Variants in ABHD12 observed in about 807,000 individuals in gnomAD.
ABHD12 encodes the protein abhydrolase domain containing 12, lysophospholipase, also known as lysophosphatidylserine lipase ABHD12.
In ABHD12, 43 loss-of-function variants were observed where a neutral mutation model predicts 58.3. The observed-to-expected ratio is 0.74, with a 90% CI of 0.58 to 0.95. ABHD12 has a LOEUF of 0.95. Among genes scored for constraint, ABHD12 ranks in the 40% least tolerant of loss-of-function variants. ABHD12 has a pLI of 0.00. For missense variants in ABHD12, 539 were observed against 537.2 expected (o/e 1.00, Z -0.03); for synonymous variants, 219 against 211.2 (o/e 1.04, Z -0.32).
chr20:25,390,544 C>G lies in ABHD12; in HGVS notation c.160G>C (p.Ala54Pro). 5.5e-6 allele frequency: 8 copies of G among 1,450,042 alleles called. No homozygotes were observed. Among genetic ancestry groups the G allele is most frequent in the Non-Finnish European group, 7.2e-6 (8 of 1,105,548 alleles). The allele number at this position is 1,450,042 out of a possible 1,614,324, so 89.8% of individuals were successfully genotyped here. A position where few individuals can be genotyped will look rare whatever the true frequency, so the allele number is the denominator to read the frequency against. The change falls in exon 1 of 13, where the codon GCC (alanine) becomes CCC (proline). Residue 54 changes from alanine (A) to proline (P), a missense_variant. Ala to Pro is a conservative substitution (Grantham distance 27, BLOSUM62 -1). Transcript: ENST00000339157. ...AGCGCCCGCTTCATTCCCGCGTCGG[C>G]TGCGCAGCGCGGCTCAGCCGCCGCC... ...GPAAAEPRCA[A>P]DAGMKRALGR... is the part of the protein sequence containing the mutation.
At chr20:25,354,938 T>C (rs115992085) in intron 1 of ABHD12, among the ~76,000 whole-genome samples, 1,904 of 152,300 alleles carry the variant, frequency 0.013, 44 homozygotes, top group African/African-American at 0.041. Context: ...CTTTCTTCTC[T>C]TTCTGTACTT....
At chr20:25,303,519 A>G in intron 11 of ABHD12, 31 bp downstream of exon 11, 1 of 1,611,306 alleles carries the variant, frequency 6.2e-7, no homozygotes, top group Non-Finnish European at 8.5e-7. Flanking sequence ...GCAAGATGCC[A>G]GCTACACCAG....
chr20:25,314,852 T>G, intron 6 of ABHD12, 73 bp downstream of exon 6: 2 of 1,542,788 alleles, frequency 1.3e-6, no homozygotes, highest in South Asian at 2.2e-5. Flanking sequence ...CCTCTTCGAG[T>G]GAGGCCTGCC....
chr20:25,386,263 CTTT>C (rs201723868), intron 1 of ABHD12, among the ~76,000 whole-genome samples: 1 of 142,166 alleles, frequency 7.0e-6, no homozygotes, highest in Admixed American at 7.0e-5. Context: ...CTTTTTCTTT[CTTT>C]TTTTTTTTTT....
rs143020320 is a variant in ABHD12 at position 25,389,410 on chromosome 20, T to G, written c.191+1103A>C. ...TACTTTTCCTTAGGAGCGATACGCATATTTTACACTCAAGTGGCCAGCGTC... is the reference window on the plus strand; with the variant it reads ...TACTTTTCCTTAGGAGCGATACGCAGATTTTACACTCAAGTGGCCAGCGTC... On this transcript the variant is annotated intron_variant, in intron 1 of 12. Transcript: ENST00000339157. Among the ~76,000 whole-genome samples, 215 of 152,290 alleles carry G rather than the reference T, an allele frequency of 1.4e-3. 1 individual carries two copies. Among genetic ancestry groups the G allele is most frequent in the Admixed American group, 9.7e-3 (148 of 15,296 alleles).
At chr20:25,383,750 T>G (rs1033272384) in intron 1 of ABHD12, among the ~76,000 whole-genome samples, 1 of 151,952 alleles carries the variant, frequency 6.6e-6, no homozygotes, top group African/African-American at 2.4e-5. Flanking sequence ...GGTCAGGAGT[T>G]CAAGATCAGC....
chr20:25,349,634 T>C (rs2089571836), intron 1 of ABHD12, among the ~76,000 whole-genome samples: 1 of 152,186 alleles, frequency 6.6e-6, no homozygotes, highest in Non-Finnish European at 1.5e-5. Flanking sequence ...CTAAGTGAAA[T>C]AAGCCAGACA....
downstream of ABHD12, chr20:25,300,156 G>A (rs928887719): frequency 2.7e-5 from 26 of 979,020 alleles, no homozygotes; most frequent in Middle Eastern, 5.3e-4. Context: ...GGCTGTGGGC[G>A]GCTCTGGGGC....
intron 3 of ABHD12, among the ~76,000 whole-genome samples, chr20:25,322,560 T>TG (rs1417976099): frequency 6.7e-6 from 1 of 150,124 alleles, no homozygotes; most frequent in Non-Finnish European, 1.5e-5. Context: ...TTGTATTTTT[T>TG]TTTCAGTAGA....
At chr20:25,307,053 T>A (rs994837173) in intron 9 of ABHD12, 138 bp from the exon 10 acceptor site, 1 of 695,312 alleles carries the variant, frequency 1.4e-6, no homozygotes, top group African/African-American at 1.8e-5. Context: ...AGGGGTGACA[T>A]TGCCAAGGGG....
chr20:25,346,280 T>C (rs1297252762), intron 1 of ABHD12, among the ~76,000 whole-genome samples: 1 of 152,170 alleles, frequency 6.6e-6, no homozygotes, highest in African/African-American at 2.4e-5. Context: ...GGTCAAACTA[T>C]GGAGATGGCA....
At position 25,385,050 on chromosome 20, in the gene ABHD12, A is replaced by G. The variant is rs528496992; in HGVS notation, c.191+5463T>C. On this transcript the variant is annotated intron_variant, in intron 1 of 12. Transcript: ENST00000339157. Reference sequence around the variant, plus strand: ...ACTGACTAGCCTAAATCAGGAGGAAAAAGCAGGCCAGGCGCGGTGGCTCAC... The same window carrying G: ...ACTGACTAGCCTAAATCAGGAGGAAGAAGCAGGCCAGGCGCGGTGGCTCAC... Among the ~76,000 whole-genome samples, 206 of 152,232 alleles carry G rather than the reference A, an allele frequency of 1.4e-3. 1 individual carries two copies. Among genetic ancestry groups the G allele is most frequent in the African/African-American group, 4.8e-3 (200 of 41,530 alleles).
At chr20:25,321,657 T>C (rs975373230) in intron 3 of ABHD12, among the ~76,000 whole-genome samples, 1 of 152,220 alleles carries the variant, frequency 6.6e-6, no homozygotes, top group South Asian at 2.1e-4. Flanking sequence ...GAGTTGTTAG[T>C]ACTTCCAGCC....
chr20:25,324,041 G>A (rs2089130745), intron 2 of ABHD12, among the ~76,000 whole-genome samples: 1 of 152,218 alleles, frequency 6.6e-6, no homozygotes, highest in Non-Finnish European at 1.5e-5. Flanking sequence ...TAGGACCCAT[G>A]CAGAGCAGAA....
intron 1 of ABHD12, among the ~76,000 whole-genome samples, chr20:25,351,760 G>T (rs1188568583): frequency 1.3e-5 from 2 of 152,076 alleles, no homozygotes; most frequent in Non-Finnish European, 2.9e-5. Flanking sequence ...AATTAGCAGG[G>T]GGTGGTGGCA....
intron 1 of ABHD12, among the ~76,000 whole-genome samples, chr20:25,362,682 G>C (rs548722131): frequency 6.7e-6 from 1 of 150,028 alleles, no homozygotes; most frequent in Non-Finnish European, 1.5e-5. Flanking sequence ...TTTTTTTGTC[G>C]TTGTTTTTTG....
At chr20:25,336,169 T>C (rs754329202) in intron 2 of ABHD12, among the ~76,000 whole-genome samples, 6 of 152,064 alleles carry the variant, frequency 3.9e-5, no homozygotes, top group Non-Finnish European at 2.9e-5. Flanking sequence ...AGACTGTGCA[T>C]ACAAGTATTG....
intron 1 of ABHD12, among the ~76,000 whole-genome samples, chr20:25,386,979 A>G (rs2090099682): frequency 6.6e-6 from 1 of 152,220 alleles, no homozygotes; most frequent in Admixed American, 6.5e-5. Flanking sequence ...ATATAAATCC[A>G]TTACTATAAC....
chr20:25,338,257 G>T (rs565763910), intron 2 of ABHD12, among the ~76,000 whole-genome samples: 188 of 152,122 alleles, frequency 1.2e-3, no homozygotes, highest in Non-Finnish European at 2.4e-3. Context: ...TGCTGCCTCA[G>T]CAATATCAGG....
Sources: gnomAD v4.1 joint callset for allele counts (sites outside exome capture counted in the v4.1 genomes callset) on GRCh38, gnomAD v4.1.1 for gene constraint, MANE v1.5 for transcripts, NCBI Gene and HGNC (gene_info 2026-07-23, HGNC 2026-07-21) for gene names.